Variants in MCC observed in about 807,000 individuals in gnomAD.
MCC encodes colorectal mutant cancer protein.
A neutral mutation model predicts 116.2 loss-of-function variants in MCC; 90 were observed. The ratio of observed to expected loss-of-function variants is 0.77; its 90% confidence interval spans 0.65 to 0.92. The LOEUF is 0.92. Ranked by LOEUF, MCC falls within the 40% of genes least tolerant of loss-of-function variation. The pLI is 0.00. For synonymous variants in MCC, 578 were observed against 510.5 expected (o/e 1.13, Z -1.78); for missense variants, 1,516 against 1,312.2 (o/e 1.16, Z -2.40).
intron 1 of MCC, among the ~76,000 whole-genome samples, chr5:113,481,374 G>T (rs1772373305): frequency 6.6e-6 from 1 of 152,056 alleles, no homozygotes. Context: ...GAAATAATTA[G>T]AAACAATCTA....
At chr5:113,198,845 T>C (rs1164761988) in intron 3 of MCC, among the ~76,000 whole-genome samples, 1 of 151,968 alleles carries the variant, frequency 6.6e-6, no homozygotes, top group Non-Finnish European at 1.5e-5. Flanking sequence ...CTGAGGTGCA[T>C]GCAGTGACCT....
intron 2 of MCC, among the ~76,000 whole-genome samples, chr5:113,351,278 A>G (rs979920731): frequency 6.6e-6 from 1 of 152,188 alleles, no homozygotes; most frequent in Non-Finnish European, 1.5e-5. Context: ...AAGGTTTACA[A>G]GCAACTTATG....
At chr5:113,109,334 A>C (rs1018663944) in intron 6 of MCC, among the ~76,000 whole-genome samples, 1 of 152,244 alleles carries the variant, frequency 6.6e-6, no homozygotes, top group African/African-American at 2.4e-5. Context: ...TCAGCCTTAA[A>C]AAAGAAATAA....
intron 2 of MCC, among the ~76,000 whole-genome samples, chr5:113,379,705 T>G (rs1426451014): frequency 6.6e-6 from 1 of 152,196 alleles, no homozygotes; most frequent in Admixed American, 6.5e-5. Context: ...AAAATATTGT[T>G]TCTGGGATGG....
At chr5:113,294,318 C>G in intron 3 of MCC, 1 of 1,613,686 alleles carries the variant, frequency 6.2e-7, no homozygotes, top group Non-Finnish European at 8.5e-7. Flanking sequence ...CCGACCTCAG[C>G]TGTTTCTTAC....
chr5:113,406,417 A>T (rs1227723155), intron 1 of MCC, among the ~76,000 whole-genome samples: 2 of 152,318 alleles, frequency 1.3e-5, no homozygotes, highest in East Asian at 3.9e-4. Context: ...GAGTTATCTA[A>T]AATGACCCAA....
At chr5:113,110,579 A>C (rs1482814033) in intron 6 of MCC, among the ~76,000 whole-genome samples, 1 of 152,216 alleles carries the variant, frequency 6.6e-6, no homozygotes, top group East Asian at 1.9e-4. Context: ...GTTAAAATTA[A>C]AGTTGTAGAC....
At position 113,027,184 on chromosome 5, in the gene MCC, G is replaced by T; in HGVS notation, c.*118C>A. ...TGGGGCACTCCATTGTCCAAGTGCC[G>T]ACCTACCTGCCAGCCTTCCCTTTCC... On this transcript the variant is annotated 3_prime_UTR_variant, in exon 19 of 19. Transcript: ENST00000408903. The T allele has an allele frequency of 1.8e-6, 2 of 1,082,610 alleles. No individual in the cohort carries two copies. The highest frequency in any genetic ancestry group is 1.6e-5 in the South Asian group (1 of 62,620). The allele number at this position is 1,082,610 out of a possible 1,614,324, so 67.1% of individuals were successfully genotyped here.
At chr5:113,377,782 A>T (rs1413417902) in intron 2 of MCC, among the ~76,000 whole-genome samples, 1 of 152,256 alleles carries the variant, frequency 6.6e-6, no homozygotes, top group Admixed American at 6.5e-5. Context: ...AGTATGCAAC[A>T]ATAGAATGTA....
At chr5:113,334,417 A>G (rs933994904) in intron 3 of MCC, among the ~76,000 whole-genome samples, 1 of 151,226 alleles carries the variant, frequency 6.6e-6, no homozygotes, top group African/African-American at 2.5e-5. Flanking sequence ...CATGTTGCCC[A>G]GGATGGTCAG....
rs1306932706 is a variant in MCC at position 113,043,409 on chromosome 5, C to T, written c.2756+121G>A. ...ACAGGCCTTCTCCATTTCTGGCTTC[C>T]AAGACATGGGTAAAGTGGAACACAT... On this transcript the variant is annotated intron_variant, in intron 17 of 18. Transcript: ENST00000408903. 19 of 928,030 alleles carry T rather than the reference C, an allele frequency of 2.0e-5. No homozygotes were observed. The East Asian group carries it at 4.3e-4, about 21-fold the overall frequency. The allele number at this position is 928,030 out of a possible 1,614,324, so 57.5% of individuals were successfully genotyped here. A position where few individuals can be genotyped will look rare whatever the true frequency, so the allele number is the denominator to read the frequency against.
chr5:113,472,960 C>T (rs1772134367), intron 1 of MCC, among the ~76,000 whole-genome samples: 1 of 152,178 alleles, frequency 6.6e-6, no homozygotes, highest in Admixed American at 6.5e-5. Context: ...AGCATCTAAT[C>T]AACGCATGAT....
Position 113,189,673 on chromosome 5 carries a change from T to C in MCC, c.628-38251A>G, listed in dbSNP as rs77338781. Among the ~76,000 whole-genome samples the C allele has an allele frequency of 1.1e-3, 164 of 152,132 alleles. 1 individual carries two copies. The highest frequency in any genetic ancestry group is 3.9e-3 in the African/African-American group (160 of 41,500). On this transcript the variant is annotated intron_variant, in intron 3 of 18. Coordinates refer to ENST00000408903, the MANE Select transcript of MCC (RefSeq NM_001085377.2). ...GGATCAAAATAAAAACAGAAGTAAA[T>C]CACTTGAGCAAGCAGGAGGCTGGCT... is the stretch of plus-strand genomic sequence containing the variant.
intron 3 of MCC, among the ~76,000 whole-genome samples, chr5:113,209,376 C>T (rs1426071286): frequency 6.6e-6 from 1 of 152,196 alleles, no homozygotes; most frequent in African/African-American, 2.4e-5. Flanking sequence ...TCATGCTCTG[C>T]CTAAGCAACA....
chr5:113,061,183 T>C (rs909929428), intron 14 of MCC, among the ~76,000 whole-genome samples: 1 of 152,182 alleles, frequency 6.6e-6, no homozygotes, highest in African/African-American at 2.4e-5. Context: ...TGGAGGTACC[T>C]AGAGGCTCAC....
At chr5:113,165,204 C>T (rs544087795) in intron 3 of MCC, among the ~76,000 whole-genome samples, 1 of 152,354 alleles carries the variant, frequency 6.6e-6, no homozygotes, top group South Asian at 2.1e-4. Flanking sequence ...TTGAGTCTAG[C>T]TTGACAGCGC....
Position 113,332,483 on chromosome 5 carries a change from G to C in MCC, c.627+8036C>G, listed in dbSNP as rs563109468. On this transcript the variant is annotated intron_variant, in intron 3 of 18. Coordinates refer to ENST00000408903, the MANE Select transcript of MCC (RefSeq NM_001085377.2). ...CCAGCACTTTGGGAGTCTGAGGTGG[G>C]AAGACTGCTTGAGCCCAAGAGGTCA... Among the ~76,000 whole-genome samples the C allele has an allele frequency of 4.7e-5, 7 of 149,950 alleles. No homozygotes were observed. In the South Asian group the frequency reaches 1.3e-3, roughly 27 times the overall value.
chr5:113,364,377 G>A (rs1315543301), intron 2 of MCC, among the ~76,000 whole-genome samples: 1 of 151,864 alleles, frequency 6.6e-6, no homozygotes, highest in African/African-American at 2.4e-5. Context: ...TCACATCCAG[G>A]GTACACAAAT....
chr5:113,324,973 C>T (rs1581400115), intron 3 of MCC, among the ~76,000 whole-genome samples: 1 of 150,344 alleles, frequency 6.7e-6, no homozygotes, highest in Non-Finnish European at 1.5e-5. Context: ...GCTGGGACTA[C>T]AGGCACATGT....
Sources: allele counts gnomAD v4.1 joint callset (sites outside exome capture counted in the v4.1 genomes callset), GRCh38; gene constraint gnomAD v4.1.1; transcripts MANE v1.5; gene names NCBI Gene and HGNC (gene_info 2026-07-23, HGNC 2026-07-21).